The following VAV3 variants were observed in gnomAD, a reference collection of about 807,000 sequenced individuals.
VAV3 encodes the protein vav guanine nucleotide exchange factor 3.
A neutral mutation model predicts 131.2 loss-of-function variants in VAV3; 94 were observed. That is an observed-to-expected ratio of 0.72 (90% CI 0.61 to 0.85). The LOEUF (loss-of-function observed/expected upper bound fraction) is 0.85. Among genes scored for constraint, VAV3 ranks in the 40% least tolerant of loss-of-function variants. VAV3 has a pLI of 0.00. For missense variants in VAV3, 939 were observed against 1,002.7 expected, an observed-to-expected ratio of 0.94 and a Z score of 0.86; for synonymous variants, 349 against 342.0, an observed-to-expected ratio of 1.02 and a Z score of -0.22.
At chr1:107,617,018 A>C (rs941649548) in intron 21 of VAV3, among the ~76,000 whole-genome samples, 1 of 152,216 alleles carries the variant, frequency 6.6e-6, no homozygotes, top group Admixed American at 6.6e-5. Flanking sequence ...TTCACCTGTA[A>C]TATTAATTGA....
At chr1:107,863,962 T>C (rs540480270) in intron 2 of VAV3, among the ~76,000 whole-genome samples, 110 of 152,280 alleles carry the variant, frequency 7.2e-4, no homozygotes, top group African/African-American at 2.5e-3. Context: ...GTATGTACAG[T>C]CAAGTTTTCT....
intron 1 of VAV3, among the ~76,000 whole-genome samples, chr1:107,905,909 T>C (rs1011740050): frequency 6.6e-6 from 1 of 152,120 alleles, no homozygotes; most frequent in Non-Finnish European, 1.5e-5. Context: ...GGACTGCCCA[T>C]GTAAACACTA....
intron 2 of VAV3, among the ~76,000 whole-genome samples, chr1:107,842,661 A>C (rs1461781827): frequency 6.6e-6 from 1 of 151,976 alleles, no homozygotes; most frequent in Non-Finnish European, 1.5e-5. Context: ...TTTAAAACTT[A>C]GTTAATTTGA....
At chr1:107,601,403 T>A (rs937525426) in intron 24 of VAV3, among the ~76,000 whole-genome samples, 1 of 152,220 alleles carries the variant, frequency 6.6e-6, no homozygotes, top group Non-Finnish European at 1.5e-5. Context: ...CATTTTTGGA[T>A]AAGGCATTCA....
At chr1:107,873,109 C>T (rs1483479465) in intron 2 of VAV3, among the ~76,000 whole-genome samples, 3 of 152,104 alleles carry the variant, frequency 2.0e-5, no homozygotes. Context: ...ATGTTTAATT[C>T]TGTTTCAGAT....
chr1:107,832,784 AT>A (rs1668310784), intron 2 of VAV3, among the ~76,000 whole-genome samples: 2 of 152,202 alleles, frequency 1.3e-5, no homozygotes, highest in African/African-American at 4.8e-5. Flanking sequence ...GCTGTAGAAA[AT>A]GTAAGCCATT....
intron 20 of VAV3, among the ~76,000 whole-genome samples, chr1:107,633,405 A>T (rs1164110988): frequency 5.3e-5 from 8 of 152,116 alleles, no homozygotes; most frequent in Admixed American, 5.2e-4. Flanking sequence ...ACGCACCAAG[A>T]TCTTCAACAT....
chr1:107,877,371 A>G (rs908871552), intron 1 of VAV3, among the ~76,000 whole-genome samples: 5 of 152,318 alleles, frequency 3.3e-5, no homozygotes, highest in Non-Finnish European at 7.3e-5. Flanking sequence ...ACCAAGGAAC[A>G]AAGCATAATT....
At position 107,808,220 on chromosome 1, in the gene VAV3, C is replaced by T. The variant is rs150440728; in HGVS notation, c.322-28728G>A. Among the ~76,000 whole-genome samples the T allele has an allele frequency of 4.8e-3, 730 of 152,220 alleles. 7 individuals are homozygous for T. The highest frequency in any genetic ancestry group is 8.0e-3 in the Non-Finnish European group (545 of 67,996). ...CGGGATACATATGGGCTAAGAAATG[C>T]TAATGCTTAGAAACTGCTCATGAAC... On this transcript the variant is annotated intron_variant, in intron 2 of 26. Coordinates refer to ENST00000370056, the MANE Select transcript of VAV3 (RefSeq NM_006113.5).
chr1:107,919,899 A>T lies in VAV3; in HGVS notation c.204+44767T>A, dbSNP rs868688211. On this transcript the variant is annotated intron_variant, in intron 1 of 26. Coordinates refer to ENST00000370056, the MANE Select transcript of VAV3 (RefSeq NM_006113.5). The stretch of plus-strand genomic sequence containing the variant: ...AACATAAAAAACATTACCTTAATAA[A>T]GGTAACTTAAAAAAAATGAAAGAGA... 1.6e-3 allele frequency among the ~76,000 whole-genome samples: 242 copies of T among 152,298 alleles called. 2 individuals are homozygous for T. In the Middle Eastern group the frequency reaches 0.027, roughly 17 times the overall value.
chr1:107,782,473 C>G (rs1178043955), intron 2 of VAV3, among the ~76,000 whole-genome samples: 1 of 152,176 alleles, frequency 6.6e-6, no homozygotes, highest in Non-Finnish European at 1.5e-5. Flanking sequence ...TGAAAATCAA[C>G]AAGCTGAGAC....
Position 107,858,834 on chromosome 1 carries a change from A to C in VAV3, c.321+16067T>G, listed in dbSNP as rs561270408. 4.4e-4 allele frequency among the ~76,000 whole-genome samples: 67 copies of C among 152,224 alleles called. 2 individuals carry two copies. In the South Asian group the frequency reaches 0.012, roughly 28 times the overall value. ...TGGGTAAATGCTCCATAGAAATGAA[A>C]TCCCATGGGCAAGAATATGACATCT... On this transcript the variant is annotated intron_variant, in intron 2 of 26. Transcript: ENST00000370056.
intron 17 of VAV3, among the ~76,000 whole-genome samples, chr1:107,701,120 CA>C (rs1660102138): frequency 6.6e-6 from 1 of 151,846 alleles, no homozygotes; most frequent in South Asian, 2.1e-4. Context: ...AGTGTCTGTT[CA>C]TGTCCTTTGC....
At position 107,936,054 on chromosome 1, in the gene VAV3, AACGTAGG is replaced by A. The variant is rs1362569058; in HGVS notation, c.204+28605_204+28611del. Among the ~76,000 whole-genome samples, 4 of 152,320 alleles carry A rather than the reference AACGTAGG, an allele frequency of 2.6e-5. No individual in the cohort carries two copies. In the East Asian group the frequency reaches 7.7e-4, roughly 29 times the overall value. On this transcript the variant is annotated intron_variant, in intron 1 of 26. Coordinates refer to ENST00000370056, the MANE Select transcript of VAV3 (RefSeq NM_006113.5). ...ATTTTATGATTTGGGGAGAAAAGTA[AACGTAGG>A]ACATTATTACAGTTCCTAGATTTGA...
At chr1:107,703,506 C>T (rs751771969) in intron 17 of VAV3, among the ~76,000 whole-genome samples, 8 of 152,168 alleles carry the variant, frequency 5.3e-5, no homozygotes, top group Non-Finnish European at 1.0e-4. Context: ...AGATCTGTCA[C>T]TTTATAGCTG....
intron 2 of VAV3, among the ~76,000 whole-genome samples, chr1:107,849,917 T>C (rs901727013): frequency 1.1e-4 from 16 of 152,160 alleles, no homozygotes; most frequent in African/African-American, 3.6e-4. Flanking sequence ...GCAAAGGATA[T>C]GAACAGACAC....
chr1:107,916,435 T>G (rs1346559011), intron 1 of VAV3, among the ~76,000 whole-genome samples: 1 of 152,208 alleles, frequency 6.6e-6, no homozygotes, highest in African/African-American at 2.4e-5. Context: ...ATTTTGAAGG[T>G]GTAGTTTCAA....
At chr1:107,929,801 G>A (rs569570141) in intron 1 of VAV3, among the ~76,000 whole-genome samples, 2 of 152,262 alleles carry the variant, frequency 1.3e-5, no homozygotes, top group Non-Finnish European at 2.9e-5. Flanking sequence ...CCCATCAATA[G>A]ATGAATGGAT....
At chr1:107,603,570 T>C (rs957090949) in intron 22 of VAV3, among the ~76,000 whole-genome samples, 2 of 152,186 alleles carry the variant, frequency 1.3e-5, no homozygotes, top group African/African-American at 4.8e-5. Flanking sequence ...GAAATCTCCT[T>C]TAAGTATCTT....
Sources: gnomAD v4.1 joint callset for allele counts (sites outside exome capture counted in the v4.1 genomes callset) on GRCh38, gnomAD v4.1.1 for gene constraint, MANE v1.5 for transcripts, NCBI Gene and HGNC (gene_info 2026-07-23, HGNC 2026-07-21) for gene names.